The following KCNH1 variants were observed in gnomAD, a reference collection of about 807,000 sequenced individuals.
KCNH1 encodes the protein potassium voltage-gated channel subfamily H member 1.
Under a neutral mutation model 69.2 loss-of-function variants are expected in KCNH1, and 27 were observed. The observed-to-expected ratio is 0.39, with a 90% CI of 0.29 to 0.54. The LOEUF (loss-of-function observed/expected upper bound fraction) is 0.54. KCNH1 is among the 20% of genes least tolerant of loss of function. The pLI, the probability that KCNH1 is intolerant of heterozygous loss-of-function variation, is 0.68. For synonymous variants in KCNH1, 456 were observed against 487.7 expected, an observed-to-expected ratio of 0.93 and a Z score of 0.86; for missense variants, 798 against 1,261.6, an observed-to-expected ratio of 0.63 and a Z score of 5.57.
intron 9 of KCNH1, among the ~76,000 whole-genome samples, chr1:210,788,679 T>C (rs941555649): frequency 3.7e-5 from 5 of 134,764 alleles, no homozygotes; most frequent in African/African-American, 1.5e-4. Flanking sequence ...ATATTATAGC[T>C]TCTTTCTTTT....
intron 5 of KCNH1, among the ~76,000 whole-genome samples, chr1:211,064,653 A>G (rs1690495960): frequency 6.6e-6 from 1 of 152,074 alleles, no homozygotes; most frequent in South Asian, 2.1e-4. Flanking sequence ...ATATCAAGCT[A>G]AAAGCCTTCT....
chr1:210,714,638 C>A (rs1036768158), intron 10 of KCNH1, among the ~76,000 whole-genome samples: 1 of 152,138 alleles, frequency 6.6e-6, no homozygotes, highest in Non-Finnish European at 1.5e-5. Context: ...AAACAGGTAA[C>A]CCATGGCGCT....
intron 6 of KCNH1, among the ~76,000 whole-genome samples, chr1:210,976,812 G>T (rs1309653780): frequency 1.3e-5 from 2 of 149,512 alleles, no homozygotes; most frequent in African/African-American, 4.9e-5. Context: ...AACAACAGGT[G>T]CTGGAGAGGA....
Position 210,740,175 on chromosome 1 carries a change from G to C in KCNH1, c.2112+35173C>G, listed in dbSNP as rs545590520. Among the ~76,000 whole-genome samples the C allele has an allele frequency of 2.0e-5, 3 of 152,256 alleles. No individual in the cohort carries two copies. In the Middle Eastern group the frequency reaches 0.01, roughly 518 times the overall value. ...AGGCAGGAGGGCACAGACAGATAAA[G>C]ATGAACAAGACAATCCAACCCTACA... On this transcript the variant is annotated intron_variant, in intron 10 of 10. Coordinates refer to ENST00000271751, the MANE Select transcript of KCNH1 (RefSeq NM_172362.3).
intron 10 of KCNH1, among the ~76,000 whole-genome samples, chr1:210,727,677 C>G (rs1038486318): frequency 1.2e-4 from 18 of 152,186 alleles, no homozygotes; most frequent in African/African-American, 4.3e-4. Flanking sequence ...ATAAAGGAAT[C>G]AGGGAGTTTG....
At chr1:210,709,734 G>A (rs977164114) in intron 10 of KCNH1, among the ~76,000 whole-genome samples, 1 of 130,600 alleles carries the variant, frequency 7.7e-6, no homozygotes, top group East Asian at 2.0e-4. Flanking sequence ...GAGAGAGAGA[G>A]AGAGAGAAAG....
chr1:210,969,731 T>G (rs986752672), intron 6 of KCNH1, among the ~76,000 whole-genome samples: 1 of 152,144 alleles, frequency 6.6e-6, no homozygotes, highest in Non-Finnish European at 1.5e-5. Flanking sequence ...TGCCTGTGTA[T>G]TTTTTTAAAT....
chr1:210,995,014 T>A (rs1689002493), intron 6 of KCNH1, among the ~76,000 whole-genome samples: 1 of 152,200 alleles, frequency 6.6e-6, no homozygotes, highest in Admixed American at 6.5e-5. Flanking sequence ...ATTAGCCAAG[T>A]CTTCTAATTG....
chr1:210,907,195 C>T (rs765302748), intron 7 of KCNH1, among the ~76,000 whole-genome samples: 4 of 152,038 alleles, frequency 2.6e-5, no homozygotes, highest in Admixed American at 6.6e-5. Flanking sequence ...ACTCAGATAA[C>T]GGTGGTAAAT....
In KCNH1 at chr1:210,912,758, G is replaced by T. The variant is rs184693812; in HGVS notation, c.1462+6882C>A. Among the ~76,000 whole-genome samples, 776 of 152,284 alleles carry T rather than the reference G, an allele frequency of 5.1e-3. 7 individuals are homozygous for T. The highest frequency in any genetic ancestry group is 0.018 in the African/African-American group (738 of 41,556). ...CCAAAGGTCAAAGCATTAATCATGGGCAGAGGTGGGCCTGAAAGCCAGAAC... is the reference window on the plus strand; with the variant it reads ...CCAAAGGTCAAAGCATTAATCATGGTCAGAGGTGGGCCTGAAAGCCAGAAC... On this transcript the variant is annotated intron_variant, in intron 7 of 10. Coordinates refer to ENST00000271751, the MANE Select transcript of KCNH1 (RefSeq NM_172362.3).
At chr1:211,036,165 C>T (rs1276108962) in intron 5 of KCNH1, among the ~76,000 whole-genome samples, 1 of 152,250 alleles carries the variant, frequency 6.6e-6, no homozygotes, top group Non-Finnish European at 1.5e-5. Flanking sequence ...AATGTAGCTA[C>T]ATGTGGGTAA....
intron 9 of KCNH1, 65 bp downstream of exon 9, chr1:210,797,443 T>C (rs1236786013): frequency 4.5e-6 from 7 of 1,570,920 alleles, no homozygotes; most frequent in African/African-American, 2.7e-5. Flanking sequence ...GGCAGTGGCA[T>C]TGAGCTGCCC....
chr1:210,723,085 C>G (rs775872843), intron 10 of KCNH1, among the ~76,000 whole-genome samples: 15 of 152,062 alleles, frequency 9.9e-5, no homozygotes, highest in Non-Finnish European at 1.9e-4. Flanking sequence ...GAGGTATGAG[C>G]AAAGTACTTA....
intron 10 of KCNH1, among the ~76,000 whole-genome samples, chr1:210,718,485 CATATATGTATATATATAAAATATAT>C (rs1184758404): frequency 0.014 from 750 of 51,920 alleles, 190 homozygotes; most frequent in Non-Finnish European, 0.021. Context: ...AAAATATATA[CATATATGTATATATATAAAATATAT>C]ACATATATGT....
At chr1:211,075,609 C>T (rs979002990) in intron 5 of KCNH1, among the ~76,000 whole-genome samples, 4 of 152,284 alleles carry the variant, frequency 2.6e-5, no homozygotes, top group South Asian at 2.1e-4. Context: ...AACAGGATTC[C>T]GGATCCAAGA....
At chr1:210,934,853 G>T (rs867470866) in intron 6 of KCNH1, among the ~76,000 whole-genome samples, 2 of 151,382 alleles carry the variant, frequency 1.3e-5, no homozygotes, top group Non-Finnish European at 2.9e-5. Context: ...AATATAAATT[G>T]GTTATAAATA....
intron 6 of KCNH1, among the ~76,000 whole-genome samples, chr1:210,974,724 C>T (rs866107521): frequency 1.3e-5 from 2 of 151,750 alleles, no homozygotes; most frequent in Admixed American, 6.6e-5. Flanking sequence ...ACACTACGCC[C>T]GGCTAATTTT....
intron 5 of KCNH1, among the ~76,000 whole-genome samples, chr1:211,078,527 A>C (rs955414269): frequency 1.3e-5 from 2 of 152,218 alleles, no homozygotes; most frequent in African/African-American, 2.4e-5. Flanking sequence ...TACTGGGTGC[A>C]TAACGAAATG....
intron 6 of KCNH1, among the ~76,000 whole-genome samples, chr1:211,012,664 T>C (rs1276497322): frequency 6.6e-6 from 1 of 152,222 alleles, no homozygotes; most frequent in Non-Finnish European, 1.5e-5. Context: ...TTTAAGGCAC[T>C]GAAACTTCTC....
Sources: gnomAD v4.1 joint callset for allele counts (sites outside exome capture counted in the v4.1 genomes callset) on GRCh38, gnomAD v4.1.1 for gene constraint, MANE v1.5 for transcripts, NCBI Gene and HGNC (gene_info 2026-07-23, HGNC 2026-07-21) for gene names.